The following PTCHD4 variants were observed in gnomAD, a reference collection of about 807,000 sequenced individuals.
PTCHD4 encodes the protein patched domain containing 4.
PTCHD4 carries 33 observed loss-of-function variants against 58.1 expected under a neutral mutation model. The observed-to-expected ratio is 0.57, with a 90% CI of 0.43 to 0.76. The LOEUF (loss-of-function observed/expected upper bound fraction) is 0.76. PTCHD4 is among the 30% of genes least tolerant of loss of function. PTCHD4 has a pLI of 0.00. For missense variants in PTCHD4, 1,058 were observed against 1,027.1 expected, an observed-to-expected ratio of 1.03 and a Z score of -0.41; for synonymous variants, 478 against 409.6, an observed-to-expected ratio of 1.17 and a Z score of -2.02.
chr6:48,060,156 G>A (rs978286815), intron 3 of PTCHD4, among the ~76,000 whole-genome samples: 2 of 152,182 alleles, frequency 1.3e-5, no homozygotes, highest in African/African-American at 4.8e-5. Context: ...AGACACAAAA[G>A]TTTCCTAAAT....
chr6:47,911,746 T>G (rs1765077545), intron 4 of PTCHD4, among the ~76,000 whole-genome samples: 1 of 152,076 alleles, frequency 6.6e-6, no homozygotes, highest in African/African-American at 2.4e-5. Context: ...TGATGTCAAG[T>G]AGGCATTTAA....
intron 3 of PTCHD4, among the ~76,000 whole-genome samples, chr6:48,042,885 T>C (rs971519562): frequency 3.9e-5 from 6 of 151,910 alleles, no homozygotes; most frequent in Non-Finnish European, 8.8e-5. Flanking sequence ...ACCTGACTTC[T>C]CCCATTGCCT....
chr6:47,991,165 A>T (rs1232877854), intron 4 of PTCHD4, among the ~76,000 whole-genome samples: 1 of 152,174 alleles, frequency 6.6e-6, no homozygotes, highest in Non-Finnish European at 1.5e-5. Context: ...CAAGAGGTTC[A>T]ATGAATCCTC....
At chr6:47,971,380 A>G (rs984092216) in intron 4 of PTCHD4, among the ~76,000 whole-genome samples, 1 of 152,184 alleles carries the variant, frequency 6.6e-6, no homozygotes, top group Non-Finnish European at 1.5e-5. Flanking sequence ...AGGTCGTCCA[A>G]ATTGAAATGG....
intron 1 of PTCHD4, among the ~76,000 whole-genome samples, chr6:48,105,903 G>A (rs1304459677): frequency 1.3e-5 from 2 of 152,162 alleles, no homozygotes; most frequent in Admixed American, 6.5e-5. Context: ...AAACCAGGAA[G>A]AAGTTGAATC....
chr6:48,070,131 G>A (rs1027623926), intron 1 of PTCHD4, among the ~76,000 whole-genome samples: 2 of 143,606 alleles, frequency 1.4e-5, no homozygotes, highest in East Asian at 4.2e-4. Context: ...GTTTGTGTGT[G>A]TGTGTGTGTG....
intron 3 of PTCHD4, among the ~76,000 whole-genome samples, chr6:48,037,918 A>AT (rs11434281): frequency 0.58 from 86,755 of 150,740 alleles, 24,977 homozygotes; most frequent in East Asian, 0.72. Flanking sequence ...AAAAAAAAAA[A>AT]AAGTTCCTTT....
rs765911544 is a variant in PTCHD4, at chr6:47,859,892, G to T, written c.*18411C>A. Reference sequence around the variant, plus strand: ...GAACTGCAATGACAAAAGACCAAAGGGGGTGCATGGTTGATGCAGAGAGAA... The same window carrying T: ...GAACTGCAATGACAAAAGACCAAAGTGGGTGCATGGTTGATGCAGAGAGAA... On this transcript the variant is annotated 3_prime_UTR_variant, in exon 5 of 5. Transcript: ENST00000339488. Among the ~76,000 whole-genome samples the T allele has an allele frequency of 1.3e-5, 2 of 151,992 alleles. No homozygotes were observed. Among genetic ancestry groups the T allele is most frequent in the South Asian group, 2.1e-4 (1 of 4,832 alleles).
intron 4 of PTCHD4, among the ~76,000 whole-genome samples, chr6:47,934,434 T>G (rs1237426715): frequency 6.6e-6 from 1 of 151,824 alleles, no homozygotes; most frequent in East Asian, 1.9e-4. Context: ...GGAAATTTTC[T>G]AGATATTAAG....
At chr6:48,086,728 A>C (rs1765272731) in intron 1 of PTCHD4, among the ~76,000 whole-genome samples, 1 of 152,192 alleles carries the variant, frequency 6.6e-6, no homozygotes, top group Non-Finnish European at 1.5e-5. Context: ...TGGGGGAAAA[A>C]GACTCAGACT....
chr6:47,893,770 A>C (rs544465959), intron 4 of PTCHD4, among the ~76,000 whole-genome samples: 156 of 152,354 alleles, frequency 1.0e-3, no homozygotes, highest in African/African-American at 3.6e-3. Flanking sequence ...CAGCATAGGA[A>C]TTTAAGTTGA....
intron 4 of PTCHD4, among the ~76,000 whole-genome samples, chr6:47,999,252 T>A (rs1253252681): frequency 2.0e-5 from 3 of 152,216 alleles, no homozygotes; most frequent in Non-Finnish European, 4.4e-5. Context: ...GGAGCTGGAC[T>A]GGACTCCAAG....
intron 3 of PTCHD4, among the ~76,000 whole-genome samples, chr6:48,042,572 C>T (rs1344788724): frequency 6.6e-6 from 1 of 151,882 alleles, no homozygotes; most frequent in Non-Finnish European, 1.5e-5. Flanking sequence ...ATAGAAATAT[C>T]AGTTCAGCAT....
At chr6:47,994,346 A>G (rs1768397904) in intron 4 of PTCHD4, among the ~76,000 whole-genome samples, 1 of 152,234 alleles carries the variant, frequency 6.6e-6, no homozygotes, top group Non-Finnish European at 1.5e-5. Context: ...AGCATATTTC[A>G]TTCAGTCAGT....
At position 47,879,534 on chromosome 6, in the gene PTCHD4, T is replaced by C; in HGVS notation, c.1301A>G (p.Glu434Gly). ...GAAGTGGTGCTGGTAGGGGTTCGTC[T>C]CATGATGGGACGTCTGTTGATGCCC... ...SDGHQQTSHH[E>G]TNPYQHHFIQ... Residue 434 changes from glutamate to glycine, a missense_variant, in exon 5 of 5, where the codon GAG becomes GGG. Physicochemically the swap from Glu to Gly is moderately conservative, Grantham distance 98. Transcript: ENST00000339488. 2 of 1,613,788 alleles carry C rather than the reference T, an allele frequency of 1.2e-6. No homozygotes were observed. The highest frequency in any genetic ancestry group is 2.2e-5 in the South Asian group (2 of 91,070).
At chr6:48,038,480 T>TA (rs924534713) in intron 3 of PTCHD4, among the ~76,000 whole-genome samples, 72 of 145,850 alleles carry the variant, frequency 4.9e-4, no homozygotes, top group South Asian at 1.7e-3. Flanking sequence ...CATCTCTACT[T>TA]AAAAAAAAAA....
At chr6:48,004,999 T>G (rs1187662253) in intron 4 of PTCHD4, among the ~76,000 whole-genome samples, 1 of 152,218 alleles carries the variant, frequency 6.6e-6, no homozygotes, top group African/African-American at 2.4e-5. Flanking sequence ...TAATAATCTT[T>G]TTTTCTAAAC....
intron 1 of PTCHD4, among the ~76,000 whole-genome samples, chr6:48,070,927 C>G (rs2113884073): frequency 6.6e-6 from 1 of 152,344 alleles, no homozygotes; most frequent in South Asian, 2.1e-4. Flanking sequence ...GCTATATCCT[C>G]TACGTTAAAT....
intron 3 of PTCHD4, among the ~76,000 whole-genome samples, chr6:48,047,345 T>G (rs181553919): frequency 1.3e-5 from 2 of 152,006 alleles, no homozygotes; most frequent in East Asian, 3.9e-4. Flanking sequence ...TGGTTGCACA[T>G]AGACTTCTAT....
Sources: gnomAD v4.1 joint callset for allele counts (sites outside exome capture counted in the v4.1 genomes callset) on GRCh38, gnomAD v4.1.1 for gene constraint, MANE v1.5 for transcripts, NCBI Gene and HGNC (gene_info 2026-07-23, HGNC 2026-07-21) for gene names.